Variants in RBFOX1 observed in about 807,000 individuals in gnomAD.
The protein encoded by RBFOX1 is RNA binding protein fox-1 homolog 1.
Under a neutral mutation model 57.7 loss-of-function variants are expected in RBFOX1, and 8 were observed. The observed-to-expected ratio is 0.14, with a 90% confidence interval of 0.08 to 0.25. The LOEUF is 0.25. RBFOX1 is among the 10% of genes least tolerant of loss of function. RBFOX1 has a pLI of 1.00. For synonymous variants in RBFOX1, 326 were observed against 222.4 expected (o/e 1.47, Z -4.15); for missense variants, 611 against 548.5 (o/e 1.11, Z -1.14).
intron 3 of RBFOX1, among the ~76,000 whole-genome samples, chr16:7,010,516 G>C (rs1218099630): frequency 6.6e-6 from 1 of 151,738 alleles, no homozygotes; most frequent in Non-Finnish European, 1.5e-5. Context: ...AAAGGAGGGA[G>C]AGACACTGAT....
At chr16:6,109,835 A>G (rs186131377) in intron 1 of RBFOX1, among the ~76,000 whole-genome samples, 34 of 152,310 alleles carry the variant, frequency 2.2e-4, no homozygotes, top group African/African-American at 7.0e-4. Context: ...CTTTTCTTCA[A>G]TTTTACATCA....
rs1187787439 is a variant in RBFOX1, at chr16:5,344,735, GA to G, written c.219+104637del. 8.6e-5 allele frequency among the ~76,000 whole-genome samples: 13 copies of G among 152,006 alleles called. No individual in the cohort carries two copies. In the East Asian group the frequency reaches 1.5e-3, roughly 18 times the overall value. On this transcript the variant is annotated intron_variant, in intron 1 of 2. Transcript: ENST00000585867. ...ATCAATATTTGATACATTTTTGGTT[GA>G]AAAAAATATAACTTCATGAAAAAAG...
intron 2 of RBFOX1, among the ~76,000 whole-genome samples, chr16:6,512,417 G>A (rs544873937): frequency 2.6e-5 from 4 of 152,136 alleles, no homozygotes; most frequent in East Asian, 1.9e-4. Flanking sequence ...TAGGGAATGC[G>A]TTGCATTCAG....
chr16:6,804,998 T>C lies in RBFOX1; in HGVS notation c.-16+150348T>C, dbSNP rs547744917. 1.1e-4 allele frequency among the ~76,000 whole-genome samples: 16 copies of C among 152,286 alleles called. No homozygotes were observed. The South Asian group carries it at 3.3e-3, about 32-fold the overall frequency. ...ACTGTGAAAGGCAATTCATCAAAGA[T>C]CTGAAAACTGAATACCATTTGACCT... On this transcript the variant is annotated intron_variant, in intron 3 of 15. Coordinates refer to ENST00000550418, the MANE Select transcript of RBFOX1 (RefSeq NM_018723.4).
At chr16:7,046,555 G>GAAA (rs397802396) in intron 3 of RBFOX1, among the ~76,000 whole-genome samples, 1 of 145,818 alleles carries the variant, frequency 6.9e-6, no homozygotes, top group African/African-American at 2.5e-5. Flanking sequence ...AGATAATAAA[G>GAAA]TTTATCACCA....
At chr16:5,313,252 C>A (rs986111257) in intron 1 of RBFOX1, among the ~76,000 whole-genome samples, 4 of 152,076 alleles carry the variant, frequency 2.6e-5, no homozygotes, top group Admixed American at 1.3e-4. Flanking sequence ...CCTCTAATTC[C>A]CCCTCTCCAA....
chr16:6,781,939 T>G (rs993404316), intron 3 of RBFOX1, among the ~76,000 whole-genome samples: 5 of 152,178 alleles, frequency 3.3e-5, no homozygotes, highest in Non-Finnish European at 7.3e-5. Context: ...TTGACTAGTT[T>G]TGGGTTTAGC....
intron 2 of RBFOX1, among the ~76,000 whole-genome samples, chr16:6,495,245 A>G (rs1355442382): frequency 6.6e-6 from 1 of 152,034 alleles, no homozygotes; most frequent in Admixed American, 6.6e-5. Flanking sequence ...CAGCCTCCTG[A>G]ATTGCTGGGA....
At chr16:5,649,529 C>G (rs975084057) in intron 3 of RBFOX1, among the ~76,000 whole-genome samples, 4 of 152,174 alleles carry the variant, frequency 2.6e-5, no homozygotes, top group African/African-American at 7.2e-5. Context: ...TTATTGGTCT[C>G]TCCTAATATT....
rs575278944 is a variant in RBFOX1, at chr16:7,464,230, C to G, written c.28-53917C>G. On this transcript the variant is annotated intron_variant, in intron 4 of 15. Coordinates refer to ENST00000550418, the MANE Select transcript of RBFOX1 (RefSeq NM_018723.4). ...AATGATTGTGTGTGCACCTGTGCAC[C>G]TATGCACATGTATATAATGGTGGAC... Among the ~76,000 whole-genome samples, 20 of 152,294 alleles carry G rather than the reference C, an allele frequency of 1.3e-4. No homozygotes were observed. In the South Asian group the frequency reaches 3.5e-3, roughly 27 times the overall value.
At chr16:6,458,044 T>C (rs1347013989) in intron 2 of RBFOX1, among the ~76,000 whole-genome samples, 2 of 152,226 alleles carry the variant, frequency 1.3e-5, no homozygotes, top group Non-Finnish European at 2.9e-5. Flanking sequence ...TGTAATTTCT[T>C]TGTAGCATGT....
intron 1 of RBFOX1, among the ~76,000 whole-genome samples, chr16:6,128,442 G>A (rs1368308170): frequency 6.6e-6 from 1 of 152,166 alleles, no homozygotes; most frequent in African/African-American, 2.4e-5. Context: ...TGATCAAAAG[G>A]CAGCTCTGTG....
intron 2 of RBFOX1, among the ~76,000 whole-genome samples, chr16:6,644,303 T>A (rs2098516107): frequency 6.6e-6 from 1 of 152,336 alleles, no homozygotes; most frequent in African/African-American, 2.4e-5. Flanking sequence ...CCATCTGTAA[T>A]GTTGAGTCAA....
At chr16:7,150,348 C>A (rs976755426) in intron 4 of RBFOX1, among the ~76,000 whole-genome samples, 7 of 152,100 alleles carry the variant, frequency 4.6e-5, no homozygotes, top group Non-Finnish European at 7.3e-5. Context: ...TTAGACAGTG[C>A]CCACCCTACG....
intron 3 of RBFOX1, among the ~76,000 whole-genome samples, chr16:5,782,564 G>C (rs1002362519): frequency 6.6e-6 from 1 of 152,208 alleles, no homozygotes. Flanking sequence ...GAAGAAGACA[G>C]TGTCAGGATG....
intron 3 of RBFOX1, among the ~76,000 whole-genome samples, chr16:6,679,712 G>C (rs749670302): frequency 6.6e-6 from 1 of 152,090 alleles, no homozygotes; most frequent in Non-Finnish European, 1.5e-5. Context: ...AAGAGTACTT[G>C]AGTGAGTTCT....
chr16:7,075,732 C>G (rs1273293382), intron 4 of RBFOX1, among the ~76,000 whole-genome samples: 1 of 152,104 alleles, frequency 6.6e-6, no homozygotes, highest in Non-Finnish European at 1.5e-5. Context: ...AGGTGCCTGC[C>G]ACCACGCTCG....
At chr16:5,267,987 G>A (rs753866266) in intron 1 of RBFOX1, among the ~76,000 whole-genome samples, 5 of 152,106 alleles carry the variant, frequency 3.3e-5, no homozygotes, top group Admixed American at 6.5e-5. Flanking sequence ...GCTGAGGCAG[G>A]AGAATCGCTT....
chr16:6,045,375 G>C (rs2095484720), intron 1 of RBFOX1, among the ~76,000 whole-genome samples: 1 of 152,136 alleles, frequency 6.6e-6, no homozygotes, highest in Non-Finnish European at 1.5e-5. Flanking sequence ...GAGTTCTCTA[G>C]GAAGTAGGAA....
Sources: gnomAD v4.1 joint callset for allele counts (sites outside exome capture counted in the v4.1 genomes callset) on GRCh38, gnomAD v4.1.1 for gene constraint, MANE v1.5 for transcripts, NCBI Gene and HGNC (gene_info 2026-07-23, HGNC 2026-07-21) for gene names.